The following TBCEL variants were observed in gnomAD, a reference collection of about 807,000 sequenced individuals.
TBCEL encodes the protein tubulin folding cofactor E like.
TBCEL carries 15 observed loss-of-function variants against 44.2 expected under a neutral mutation model. The observed-to-expected ratio is 0.34, with a 90% CI of 0.23 to 0.52. The LOEUF (loss-of-function observed/expected upper bound fraction) is 0.52, where lower values mean the gene tolerates loss of function less well. Among genes scored for constraint, TBCEL ranks in the 20% least tolerant of loss-of-function variants. The pLI is 0.95. For missense variants in TBCEL, 319 were observed against 506.3 expected, an observed-to-expected ratio of 0.63 and a Z score of 3.55; for synonymous variants, 171 against 185.4, an observed-to-expected ratio of 0.92 and a Z score of 0.63.
intron 8 of TBCEL, among the ~76,000 whole-genome samples, chr11:121,060,733 A>G (rs565496378): frequency 2.3e-4 from 35 of 152,080 alleles, no homozygotes; most frequent in Non-Finnish European, 4.4e-4. Flanking sequence ...AATACCCCCC[A>G]AAACAGGTTT....
intron 1 of TBCEL, among the ~76,000 whole-genome samples, chr11:121,033,437 G>GT (rs1945177305): frequency 1.3e-5 from 2 of 152,076 alleles, no homozygotes; most frequent in Admixed American, 1.3e-4. Context: ...GATAAATGAA[G>GT]ATTGTATACA....
chr11:121,041,351 A>T (rs1945329445), intron 2 of TBCEL, among the ~76,000 whole-genome samples: 1 of 152,168 alleles, frequency 6.6e-6, no homozygotes, highest in Non-Finnish European at 1.5e-5. Flanking sequence ...TGAGCACCTT[A>T]TCCTCCAACT....
chr11:121,067,022 C>T (rs936027200), intron 8 of TBCEL, among the ~76,000 whole-genome samples: 23 of 152,178 alleles, frequency 1.5e-4, no homozygotes, highest in African/African-American at 3.4e-4. Context: ...CTCGGTTCCC[C>T]GAGCTTTTCT....
At chr11:121,036,090 A>G (rs1255149862) in intron 1 of TBCEL, 3 of 152,182 alleles carry the variant, frequency 2.0e-5, no homozygotes, top group Non-Finnish European at 4.4e-5. Flanking sequence ...AAACCCAAGC[A>G]AGTTCCCCCA....
chr11:121,030,249 G>C (rs1393400466), intron 1 of TBCEL, among the ~76,000 whole-genome samples: 2 of 152,202 alleles, frequency 1.3e-5, no homozygotes, highest in Non-Finnish European at 2.9e-5. Flanking sequence ...TGAGTAGTGG[G>C]CCAGGAAAGG....
chr11:121,070,811 T>G (rs553806745), intron 8 of TBCEL, among the ~76,000 whole-genome samples: 4 of 149,190 alleles, frequency 2.7e-5, no homozygotes, highest in Admixed American at 2.7e-4. Flanking sequence ...GTTGTGCACA[T>G]GTACCCTAGA....
chr11:121,086,664 T>A (rs1339660937), intron 8 of TBCEL, 114 bp from the exon 9 acceptor site: 4 of 792,014 alleles, frequency 5.1e-6, no homozygotes, highest in Non-Finnish European at 8.0e-6. Context: ...TGTGATAGAA[T>A]AAGATTTTTT....
intron 8 of TBCEL, among the ~76,000 whole-genome samples, chr11:121,084,020 G>A (rs7105897): frequency 0.012 from 1,847 of 152,308 alleles, 38 homozygotes; most frequent in African/African-American, 0.042. Flanking sequence ...AATGACAAGA[G>A]AGCAAGAGAG....
rs149281038 is a variant in TBCEL at position 121,082,603 on chromosome 11, C to T, written c.957-4175C>T. 9.7e-3 allele frequency among the ~76,000 whole-genome samples: 1,481 copies of T among 152,324 alleles called. 7 individuals carry two copies. The highest frequency in any genetic ancestry group is 0.015 in the Non-Finnish European group (1,046 of 68,028). ...ATGTGATACAATTTGTGCTTTATAA[C>T]AAACCCTGTGGCTATCATAAAGACA... On this transcript the variant is annotated intron_variant, in intron 8 of 8. Coordinates refer to ENST00000683345, the MANE Select transcript of TBCEL (RefSeq NM_001363644.2).
chr11:121,033,443 A>G (rs1014940025), intron 1 of TBCEL, among the ~76,000 whole-genome samples: 3 of 152,190 alleles, frequency 2.0e-5, no homozygotes, highest in African/African-American at 7.2e-5. Context: ...TGAAGATTGT[A>G]TACATCGTAA....
chr11:121,085,030 T>A (rs1946190352), intron 8 of TBCEL, among the ~76,000 whole-genome samples: 1 of 150,036 alleles, frequency 6.7e-6, no homozygotes, highest in Non-Finnish European at 1.5e-5. Context: ...TATATATAAT[T>A]ATAATAATAA....
rs1175719455 is a variant in TBCEL, at chr11:121,059,293, C to T, written c.840-676C>T. ...GCATACTTTTCTTTGAAGAATACGT[C>T]TTGCAGTAGGTCTTGTGCTTTATTT... On this transcript the variant is annotated intron_variant, in intron 7 of 8. Coordinates refer to ENST00000683345, the MANE Select transcript of TBCEL (RefSeq NM_001363644.2). Among the ~76,000 whole-genome samples the T allele has an allele frequency of 2.6e-5, 4 of 151,956 alleles. No individual in the cohort carries two copies. In the East Asian group the frequency reaches 7.7e-4, roughly 29 times the overall value.
At chr11:121,057,132 T>G (rs1325642486) in intron 6 of TBCEL, among the ~76,000 whole-genome samples, 1 of 151,840 alleles carries the variant, frequency 6.6e-6, no homozygotes, top group Non-Finnish European at 1.5e-5. Flanking sequence ...TTGAGCTAAC[T>G]TTTCTTCCTC....
rs188593117 is a variant in TBCEL, at chr11:121,089,548, T to C, written c.*2452T>C. 12 of 152,340 alleles carry C rather than the reference T, an allele frequency of 7.9e-5. No homozygotes were observed. The South Asian group carries it at 1.0e-3, about 13-fold the overall frequency. The allele number at this position is 152,340 out of a possible 1,614,324, so 9.4% of individuals were successfully genotyped here. A position where few individuals can be genotyped will look rare whatever the true frequency, so the allele number is the denominator to read the frequency against. On this transcript the variant is annotated 3_prime_UTR_variant, in exon 9 of 9. Transcript: ENST00000683345. The stretch of plus-strand genomic sequence containing the variant: ...AAGGCTATTTGAGCATGTGTACTTA[T>C]AGATTCATTTGGGTGGCTGAGAAAA...
intron 1 of TBCEL, among the ~76,000 whole-genome samples, 177 bp downstream of exon 1, chr11:121,024,468 G>A (rs929901699): frequency 5.3e-5 from 8 of 152,188 alleles, no homozygotes; most frequent in African/African-American, 1.7e-4. Context: ...CCTGCCCTGG[G>A]GCTAGAGGGA....
chr11:121,039,431 C>T (rs1945292896), intron 2 of TBCEL, among the ~76,000 whole-genome samples: 1 of 152,122 alleles, frequency 6.6e-6, no homozygotes, highest in Non-Finnish European at 1.5e-5. Flanking sequence ...GTGTGGATGC[C>T]CTGAGGGCAG....
chr11:121,086,317 C>T (rs1565509652), intron 8 of TBCEL, among the ~76,000 whole-genome samples: 1 of 152,180 alleles, frequency 6.6e-6, no homozygotes. Flanking sequence ...TAATTAGTAA[C>T]AAAGAACTAC....
chr11:121,026,457 G>A (rs1945048288), intron 1 of TBCEL, among the ~76,000 whole-genome samples: 1 of 152,170 alleles, frequency 6.6e-6, no homozygotes, highest in East Asian at 1.9e-4. Flanking sequence ...TAGGTACACA[G>A]GGTATGTATT....
chr11:121,070,853 G>A (rs890950846), intron 8 of TBCEL, among the ~76,000 whole-genome samples: 2 of 149,410 alleles, frequency 1.3e-5, no homozygotes, highest in Non-Finnish European at 3.0e-5. Context: ...AAAAAAGGCA[G>A]CAGCTGAGAG....
Sources: gnomAD v4.1 joint callset for allele counts (sites outside exome capture counted in the v4.1 genomes callset) on GRCh38, gnomAD v4.1.1 for gene constraint, MANE v1.5 for transcripts, NCBI Gene and HGNC (gene_info 2026-07-23, HGNC 2026-07-21) for gene names.